The following UBE3B variants were observed in gnomAD, a reference collection of about 807,000 sequenced individuals.
UBE3B encodes the protein ubiquitin protein ligase E3B.
UBE3B carries 80 observed loss-of-function variants against 132.3 expected under a neutral mutation model. The observed-to-expected ratio is 0.60, with a 90% CI of 0.50 to 0.73. The LOEUF (loss-of-function observed/expected upper bound fraction) is 0.73. Among genes scored for constraint, UBE3B ranks in the 30% least tolerant of loss-of-function variants. The probability of loss-of-function intolerance (pLI) is 0.00; values close to 1 mark genes in which losing one functional copy is unlikely to be tolerated. For synonymous variants in UBE3B, 487 were observed against 520.4 expected (o/e 0.94, Z 0.87); for missense variants, 1,196 against 1,362.5 (o/e 0.88, Z 1.92).
Position 109,509,625 on chromosome 12 carries a change from A to G in UBE3B, c.1652A>G (p.Glu551Gly). 4 of 1,609,718 alleles carry G rather than the reference A, an allele frequency of 2.5e-6. No individual in the cohort carries two copies. Among genetic ancestry groups the G allele is most frequent in the Non-Finnish European group, 3.4e-6 (4 of 1,178,990 alleles). ...CTTGATGACATTGAAGTTTATGAAG[A>G]ACAGATTTCATTCAAACTGGAAGAG... ...TILDDIEVYE[E>G]QISFKLEELV... The change falls in exon 16 of 28, where the codon GAA becomes GGA. Residue 551 changes from glutamate (E) to glycine (G), a missense_variant. Physicochemically the swap from Glu to Gly is moderately conservative, Grantham distance 98. Coordinates refer to ENST00000342494, the MANE Select transcript of UBE3B (RefSeq NM_130466.4).
chr12:109,501,688 A>G (rs1879015460), intron 13 of UBE3B, among the ~76,000 whole-genome samples, 154 bp downstream of exon 13: 1 of 152,042 alleles, frequency 6.6e-6, no homozygotes, highest in Non-Finnish European at 1.5e-5. Flanking sequence ...GTCTCACTGT[A>G]TTGCCCAGGC....
chr12:109,517,772 AGGACAGTCAC>A (rs1566103837), intron 19 of UBE3B: 5 of 263,872 alleles, frequency 1.9e-5, no homozygotes, highest in Admixed American at 1.6e-4. Flanking sequence ...CCTGTAGTGT[AGGACAGTCAC>A]GGGATCCCCT....
At chr12:109,545,464 C>G in the UBE3B span, among the ~76,000 whole-genome samples, 1 of 152,212 alleles carries the variant, frequency 6.6e-6, no homozygotes, top group Non-Finnish European at 1.5e-5. Context: ...ATCCTGTGAT[C>G]AGCGTCCCTG....
intron 13 of UBE3B, among the ~76,000 whole-genome samples, chr12:109,501,948 G>A (rs1592918059): frequency 6.6e-6 from 1 of 151,914 alleles, no homozygotes. Context: ...ACATATATGA[G>A]CCACCATACC....
chr12:109,547,454 C>T, the UBE3B span, among the ~76,000 whole-genome samples: 13 of 152,276 alleles, frequency 8.5e-5, no homozygotes, highest in African/African-American at 2.4e-4. This position sits in a 1 kb window ranked among gnomAD's most constrained non-coding sequence, Gnocchi z 4.1. Context: ...CGCGTACGCG[C>T]GCACACACAT....
At chr12:109,483,275 G>C (rs568513965) in intron 2 of UBE3B, among the ~76,000 whole-genome samples, 1 of 152,142 alleles carries the variant, frequency 6.6e-6, no homozygotes, top group East Asian at 1.9e-4. Flanking sequence ...CCTATGCCAG[G>C]TGCTGTGCTC....
intron 18 of UBE3B, among the ~76,000 whole-genome samples, chr12:109,515,956 G>A (rs1442549556): frequency 1.3e-5 from 2 of 152,092 alleles, no homozygotes; most frequent in African/African-American, 4.8e-5. Context: ...AGGTTGAAAG[G>A]TCAGGGAGCT....
At position 109,483,979 on chromosome 12, in the gene UBE3B, G is replaced by A. The variant is rs1165829529; in HGVS notation, c.280G>A (p.Glu94Lys). Residue 94 changes from glutamate to lysine, a missense_variant and splice_region_variant, in exon 4 of 28, where the codon GAG becomes AAG. By Grantham distance (56) the Glu-to-Lys change is moderately conservative (BLOSUM62 1). Transcript: ENST00000342494. ...LFLFRIKEDN[E>K]RFEKLCRSIL... is the part of the protein sequence containing the mutation. ...CCTATTCAGAATCAAAGAGGATAATGAGGTAAAACGATAATAGCAAACATG... is the reference window on the plus strand; with the variant it reads ...CCTATTCAGAATCAAAGAGGATAATAAGGTAAAACGATAATAGCAAACATG... 1.2e-6 allele frequency: 2 copies of A among 1,609,362 alleles called. No homozygotes were observed. The highest frequency in any genetic ancestry group is 4.5e-5 in the East Asian group (2 of 44,840).
chr12:109,513,637 G>A (rs765619240), intron 18 of UBE3B, among the ~76,000 whole-genome samples: 16 of 152,088 alleles, frequency 1.1e-4, no homozygotes, highest in Non-Finnish European at 1.6e-4. Context: ...TCAGGGAACC[G>A]CTGAGATAAA....
intron 26 of UBE3B, among the ~76,000 whole-genome samples, chr12:109,532,908 C>T (rs1217178567): frequency 6.6e-6 from 1 of 152,238 alleles, no homozygotes; most frequent in Non-Finnish European, 1.5e-5. Context: ...AGGCCCAGGG[C>T]TCAGGTGACT....
Position 109,522,987 on chromosome 12 carries a change from GCCT to G in UBE3B, c.2365-987_2365-985del, listed in dbSNP as rs1881886583. Among the ~76,000 whole-genome samples, 1 of 152,214 alleles carries G rather than the reference GCCT, an allele frequency of 6.6e-6. No individual in the cohort carries two copies. The highest frequency in any genetic ancestry group is 6.5e-5 in the Admixed American group (1 of 15,290). ...GAGCCTGGGCCACCTGGAAAGCATG[GCCT>G]CCTGGCTTCTCTGAATGTCATGCCA... On this transcript the variant is annotated intron_variant, in intron 21 of 27. Transcript: ENST00000342494. This position sits in a 1 kb window ranked among gnomAD's most constrained non-coding sequence, Gnocchi z 4.2.
chr12:109,533,739 A>G, intron 27 of UBE3B, 181 bp downstream of exon 27: 1 of 831,810 alleles, frequency 1.2e-6, no homozygotes, highest in Non-Finnish European at 2.0e-6. Flanking sequence ...AGCCCCAGAG[A>G]GACTGCCCAC....
At chr12:109,529,327 C>G (rs1290498307) in intron 24 of UBE3B, among the ~76,000 whole-genome samples, 2 of 152,178 alleles carry the variant, frequency 1.3e-5, no homozygotes, top group Non-Finnish European at 2.9e-5. Context: ...TTGTAAGTTG[C>G]TCTGACTTCC....
chr12:109,546,464 AG>A, the UBE3B span, among the ~76,000 whole-genome samples: 1 of 152,182 alleles, frequency 6.6e-6, no homozygotes, highest in Admixed American at 6.5e-5. Context: ...AGGGCAGTTC[AG>A]GGGACCTGTG....
At chr12:109,486,781 G>C (rs190854127) in intron 6 of UBE3B, among the ~76,000 whole-genome samples, 1 of 152,006 alleles carries the variant, frequency 6.6e-6, no homozygotes, top group African/African-American at 2.4e-5. Flanking sequence ...TGCTTGCCAC[G>C]CCACAGCCTC....
intron 12 of UBE3B, 130 bp downstream of exon 12, chr12:109,499,940 A>G: frequency 1.3e-6 from 1 of 788,098 alleles, no homozygotes; most frequent in Non-Finnish European, 1.7e-6. Context: ...TTATATATTA[A>G]TAAATTGTGA....
At chr12:109,542,920 G>C in the UBE3B span, among the ~76,000 whole-genome samples, 1 of 152,182 alleles carries the variant, frequency 6.6e-6, no homozygotes, top group Non-Finnish European at 1.5e-5. Flanking sequence ...AGACCAGACA[G>C]ATTTGTCACA....
Position 109,522,652 on chromosome 12 carries a change from C to G in UBE3B, c.2364+1101C>G, listed in dbSNP as rs995337269. Reference sequence around the variant, plus strand: ...CTGAGAGGGAGGTCTCAGGGCCAAACTCCTTTCACTCTCGAATAATCCATT... The same window carrying G: ...CTGAGAGGGAGGTCTCAGGGCCAAAGTCCTTTCACTCTCGAATAATCCATT... On this transcript the variant is annotated intron_variant, in intron 21 of 27. Coordinates refer to ENST00000342494, the MANE Select transcript of UBE3B (RefSeq NM_130466.4). The surrounding 1 kb of genome is among the most constrained non-coding windows in gnomAD (Gnocchi z 4.2). 3.3e-5 allele frequency among the ~76,000 whole-genome samples: 5 copies of G among 152,204 alleles called. No individual in the cohort carries two copies. The highest frequency in any genetic ancestry group is 7.3e-5 in the Non-Finnish European group (5 of 68,040).
intron 2 of UBE3B, among the ~76,000 whole-genome samples, chr12:109,482,902 A>T (rs548893124): frequency 1.3e-5 from 2 of 152,260 alleles, no homozygotes; most frequent in South Asian, 4.1e-4. Context: ...ATAAAACCAA[A>T]TATCTTCAAT....
Sources: allele counts gnomAD v4.1 joint callset (sites outside exome capture counted in the v4.1 genomes callset), GRCh38; gene constraint gnomAD v4.1.1; non-coding constraint Gnocchi (gnomAD v3.1); transcripts MANE v1.5; gene names NCBI Gene and HGNC (gene_info 2026-07-23, HGNC 2026-07-21).